The following SOX5 variants were observed in gnomAD, a reference collection of about 807,000 sequenced individuals.
SOX5 encodes transcription factor SOX-5.
In SOX5, 9 loss-of-function variants were observed where a neutral mutation model predicts 92.0. The ratio of observed to expected loss-of-function variants is 0.10; its 90% CI spans 0.06 to 0.17. The LOEUF (loss-of-function observed/expected upper bound fraction) is 0.17. SOX5 is among the 10% of genes least tolerant of loss of function. The pLI, the probability that SOX5 is intolerant of heterozygous loss-of-function variation, is 1.00. For missense variants in SOX5, 642 were observed against 944.5 expected (o/e 0.68, Z 4.20); for synonymous variants, 344 against 336.3 (o/e 1.02, Z -0.25).
chr12:23,862,093 A>T lies in SOX5; in HGVS notation c.271-15900T>A, dbSNP rs542817048. ...GGAAATGAAAGGGTTGTCTTTAGTT[A>T]AGATGTTTCCATTCACAGAGACTAC... On this transcript the variant is annotated intron_variant, in intron 2 of 14. Coordinates refer to ENST00000451604, the MANE Select transcript of SOX5 (RefSeq NM_006940.6). Among the ~76,000 whole-genome samples, 10 of 152,302 alleles carry T rather than the reference A, an allele frequency of 6.6e-5. No individual in the cohort carries two copies. In the South Asian group the frequency reaches 1.4e-3, roughly 22 times the overall value.
chr12:24,386,237 C>T (rs925683966), intron 1 of SOX5, among the ~76,000 whole-genome samples: 2 of 151,978 alleles, frequency 1.3e-5, no homozygotes, highest in Admixed American at 6.6e-5. Flanking sequence ...CCTAACTTTC[C>T]CAAAATTACT....
intron 3 of SOX5, among the ~76,000 whole-genome samples, chr12:23,790,576 A>ACACG (rs1763637852): frequency 1.3e-5 from 2 of 151,388 alleles, no homozygotes; most frequent in Non-Finnish European, 2.9e-5. Flanking sequence ...ACACACACAC[A>ACACG]CACGAAAGTT....
intron 4 of SOX5, among the ~76,000 whole-genome samples, chr12:24,185,228 T>C (rs996407801): frequency 1.3e-5 from 2 of 152,116 alleles, no homozygotes; most frequent in Non-Finnish European, 2.9e-5. Context: ...AAACTAAACA[T>C]ACCCTTGAAA....
At chr12:24,036,718 G>C (rs1037760958) in intron 4 of SOX5, among the ~76,000 whole-genome samples, 1 of 152,096 alleles carries the variant, frequency 6.6e-6, no homozygotes, top group Non-Finnish European at 1.5e-5. Flanking sequence ...TGTGGACTCA[G>C]TGATGTATAT....
chr12:24,354,007 A>T (rs1461426010), intron 2 of SOX5, among the ~76,000 whole-genome samples: 1 of 152,216 alleles, frequency 6.6e-6, no homozygotes, highest in Non-Finnish European at 1.5e-5. Context: ...TAATGAGGAA[A>T]TCAGTGGTGA....
chr12:24,218,231 T>C (rs1252781269), intron 3 of SOX5, among the ~76,000 whole-genome samples: 3 of 152,210 alleles, frequency 2.0e-5, no homozygotes, highest in South Asian at 2.1e-4. Flanking sequence ...ATCTAAATGT[T>C]TTTTTAACTA....
intron 7 of SOX5, among the ~76,000 whole-genome samples, chr12:23,646,024 C>A (rs759943830): frequency 1.3e-5 from 2 of 152,114 alleles, no homozygotes; most frequent in Non-Finnish European, 2.9e-5. Context: ...TAAAAAAATA[C>A]TTTATTGCTA....
intron 2 of SOX5, among the ~76,000 whole-genome samples, chr12:24,291,164 T>C (rs562380114): frequency 4.9e-4 from 74 of 152,326 alleles, no homozygotes; most frequent in Admixed American, 9.2e-4. Flanking sequence ...TATGTGAATA[T>C]AGTGTCATAA....
rs575595748 is a variant in SOX5 at position 23,713,985 on chromosome 12, G to A, written c.810+20699C>T. Among the ~76,000 whole-genome samples the A allele has an allele frequency of 3.3e-5, 5 of 150,420 alleles. No individual in the cohort carries two copies. The East Asian group carries it at 5.9e-4, about 18-fold the overall frequency. ...TGCACACCTGCAATCCCAGCTACTC[G>A]CAAAGCTGAGGCAGGATAATTGCTT... On this transcript the variant is annotated intron_variant, in intron 6 of 14. Transcript: ENST00000451604.
chr12:23,809,775 TTTTTG>T (rs1253989641), intron 3 of SOX5, among the ~76,000 whole-genome samples: 4 of 150,636 alleles, frequency 2.7e-5, no homozygotes, highest in African/African-American at 4.9e-5. Context: ...TTTTTTTTTT[TTTTTG>T]AAAGATTTGA....
chr12:24,191,598 A>G (rs1347182928), intron 4 of SOX5, among the ~76,000 whole-genome samples: 18 of 152,198 alleles, frequency 1.2e-4, no homozygotes, highest in Admixed American at 1.2e-3. Flanking sequence ...CTTTGTATGC[A>G]CAAGCTTCCA....
At chr12:23,671,048 C>T (rs987971544) in intron 6 of SOX5, among the ~76,000 whole-genome samples, 1 of 151,986 alleles carries the variant, frequency 6.6e-6, no homozygotes, top group African/African-American at 2.4e-5. Context: ...AGGCTTTGGG[C>T]TTAAAAACAG....
chr12:23,721,626 A>G (rs1161145293), intron 6 of SOX5, among the ~76,000 whole-genome samples: 1 of 152,182 alleles, frequency 6.6e-6, no homozygotes, highest in Admixed American at 6.5e-5. Flanking sequence ...GTCCTAACAC[A>G]TTCTTCCTGC....
intron 3 of SOX5, among the ~76,000 whole-genome samples, chr12:24,222,911 C>T (rs548920354): frequency 1.3e-5 from 2 of 152,104 alleles, no homozygotes; most frequent in Middle Eastern, 3.4e-3. Context: ...GAATAGACAC[C>T]CTACAGTGAG....
intron 3 of SOX5, among the ~76,000 whole-genome samples, chr12:23,804,903 C>T (rs1188294845): frequency 3.7e-5 from 4 of 108,574 alleles, no homozygotes; most frequent in African/African-American, 1.1e-4. Context: ...TCTCTATTTA[C>T]CTATCATTGT....
intron 2 of SOX5, among the ~76,000 whole-genome samples, chr12:23,879,330 GA>G (rs55920077): frequency 0.67 from 101,974 of 151,396 alleles, 34,388 homozygotes; most frequent in East Asian, 0.88. Context: ...CTAATCTGAT[GA>G]AAAAAAAACT....
At chr12:24,550,059 T>C (rs2138932419) in intron 1 of SOX5, among the ~76,000 whole-genome samples, 1 of 152,354 alleles carries the variant, frequency 6.6e-6, no homozygotes, top group Admixed American at 6.5e-5. Flanking sequence ...CCACTCTGGG[T>C]TCAAGTTTCA....
intron 3 of SOX5, among the ~76,000 whole-genome samples, chr12:24,222,961 T>G (rs146988993): frequency 6.6e-6 from 1 of 152,336 alleles, no homozygotes; most frequent in Non-Finnish European, 1.5e-5. Flanking sequence ...GTGATACAAC[T>G]GTCCGGCACC....
intron 4 of SOX5, among the ~76,000 whole-genome samples, chr12:24,119,131 C>A (rs186644123): frequency 1.3e-5 from 2 of 152,078 alleles, no homozygotes; most frequent in East Asian, 3.9e-4. Flanking sequence ...GCATCAGACA[C>A]TAAACAAGCA....
Sources: allele counts gnomAD v4.1 joint callset (sites outside exome capture counted in the v4.1 genomes callset), GRCh38; gene constraint gnomAD v4.1.1; transcripts MANE v1.5; gene names NCBI Gene and HGNC (gene_info 2026-07-23, HGNC 2026-07-21).